MEP1A: variants seen among roughly 807,000 people sequenced by gnomAD.
MEP1A encodes N-benzoyl-L-tyrosyl-P-amino-benzoic acid hydrolase subunit alpha.
MEP1A carries 68 observed loss-of-function variants against 84.5 expected under a neutral mutation model. That is an observed-to-expected ratio of 0.80 (90% CI 0.66 to 0.98). MEP1A has a LOEUF of 0.98. MEP1A is among the 50% of genes least tolerant of loss of function. The pLI, the probability that MEP1A is intolerant of heterozygous loss-of-function variation, is 0.00. For synonymous variants in MEP1A, 337 were observed against 336.8 expected, an observed-to-expected ratio of 1.00 and a Z score of -0.01; for missense variants, 887 against 919.9, an observed-to-expected ratio of 0.96 and a Z score of 0.46.
chr6:46,810,818 T>C (rs1767479627), intron 6 of MEP1A, among the ~76,000 whole-genome samples: 1 of 152,192 alleles, frequency 6.6e-6, no homozygotes, highest in Non-Finnish European at 1.5e-5. Flanking sequence ...TCTGTTCCAT[T>C]GGTCTATGTA....
chr6:46,842,248 C>T (rs780099199), downstream of MEP1A, among the ~76,000 whole-genome samples: 7 of 152,008 alleles, frequency 4.6e-5, no homozygotes, highest in African/African-American at 7.3e-5. Flanking sequence ...AGAATAACAG[C>T]GATTTTCAGG....
rs904133068 is a variant in MEP1A at position 46,839,462 on chromosome 6, G to C, written c.*326G>C. ...GTTCTCATTGACCGTGCTGGCCCCA[G>C]TGCCTAGATGCATGGCTGGCACATT... is the stretch of plus-strand genomic sequence containing the variant. On this transcript the variant is annotated 3_prime_UTR_variant, in exon 14 of 14. Transcript: ENST00000230588. The C allele has an allele frequency of 3.3e-5, 6 of 182,470 alleles. No individual in the cohort carries two copies. The highest frequency in any genetic ancestry group is 1.2e-4 in the African/African-American group (5 of 42,834). The allele number at this position is 182,470 out of a possible 1,614,324, so 11.3% of individuals were successfully genotyped here. A position where few individuals can be genotyped will look rare whatever the true frequency, so the allele number is the denominator to read the frequency against.
intron 9 of MEP1A, 133 bp from the exon 10 acceptor site, chr6:46,829,223 T>C: frequency 2.9e-6 from 2 of 701,444 alleles, no homozygotes; most frequent in Admixed American, 2.4e-5. Flanking sequence ...TCCTTCTTTT[T>C]ATTTTCCTCC....
intron 11 of MEP1A, among the ~76,000 whole-genome samples, 170 bp from the exon 12 acceptor site, chr6:46,834,407 AT>A (rs937193566): frequency 1.3e-4 from 20 of 150,836 alleles, no homozygotes; most frequent in African/African-American, 4.9e-4. Context: ...AAATAGCCTA[AT>A]TTTTTTCCAA....
chr6:46,794,009 AATAG>A (rs765862175), intron 3 of MEP1A, among the ~76,000 whole-genome samples: 7 of 152,212 alleles, frequency 4.6e-5, no homozygotes, highest in Non-Finnish European at 5.9e-5. Context: ...AAGGAAAGCA[AATAG>A]ATAATTATTC....
rs111505175 is a variant in MEP1A, at chr6:46,810,978, A to G, written c.380+1441A>G. Among the ~76,000 whole-genome samples the G allele has an allele frequency of 2.3e-3, 356 of 152,106 alleles. 3 individuals are homozygous for G. Among genetic ancestry groups the G allele is most frequent in the Middle Eastern group, 0.014 (4 of 294 alleles). On this transcript the variant is annotated intron_variant, in intron 6 of 13. Transcript: ENST00000230588. The stretch of plus-strand genomic sequence containing the variant: ...TCTTTTTTGGTTCCATGTGAATTTT[A>G]GGATGGTTTTTCCAGGTCTGTGAAG...
In MEP1A at chr6:46,839,101, A is replaced by G. The variant is rs771765973; in HGVS notation, c.2206A>G (p.Ile736Val). The G allele has an allele frequency of 3.7e-6, 6 of 1,612,942 alleles. No homozygotes were observed. The African/African-American group carries it at 5.3e-5, about 14-fold the overall frequency. Reference protein sequence around the residue: ...TAGVIFLTFSIIAILSQRPRK With the variant: ...TAGVIFLTFSVIAILSQRPRK ...TGGCGTGATCTTCTTGACCTTCTCCATCATCGCCATCCTTTCCCAAAGGCC... is the reference window on the plus strand; with the variant it reads ...TGGCGTGATCTTCTTGACCTTCTCCGTCATCGCCATCCTTTCCCAAAGGCC... Residue 736 changes from isoleucine (I) to valine (V), a missense_variant, in exon 14 of 14, where the codon ATC (isoleucine) becomes GTC (valine). Coordinates refer to ENST00000230588, the MANE Select transcript of MEP1A (RefSeq NM_005588.3).
At chr6:46,816,298 C>T (rs1332685216) in intron 6 of MEP1A, among the ~76,000 whole-genome samples, 1 of 152,062 alleles carries the variant, frequency 6.6e-6, no homozygotes, top group African/African-American at 2.4e-5. Context: ...CTACTACATT[C>T]CAGGAAGTGT....
At chr6:46,799,258 T>A in intron 5 of MEP1A, 77 bp downstream of exon 5, 2 of 963,194 alleles carry the variant, frequency 2.1e-6, no homozygotes, top group Non-Finnish European at 3.4e-6. Flanking sequence ...GGGCTTCACA[T>A]TGGGAGTAAC....
At chr6:46,797,486 T>A (rs1238668085) in intron 3 of MEP1A, among the ~76,000 whole-genome samples, 1 of 152,218 alleles carries the variant, frequency 6.6e-6, no homozygotes, top group Non-Finnish European at 1.5e-5. Context: ...AACAGATGTT[T>A]GGAGATACGG....
chr6:46,802,537 T>C (rs1039768236), intron 5 of MEP1A, among the ~76,000 whole-genome samples: 1 of 151,958 alleles, frequency 6.6e-6, no homozygotes, highest in African/African-American at 2.4e-5. Context: ...TGTTACTGGT[T>C]CCTTTCCAAT....
At chr6:46,814,068 T>TAACACA in intron 6 of MEP1A, among the ~76,000 whole-genome samples, 1 of 152,300 alleles carries the variant, frequency 6.6e-6, no homozygotes, top group East Asian at 1.9e-4. Context: ...CAGGTGTTCT[T>TAACACA]TGAGATTCTT....
In MEP1A at chr6:46,826,371, T is replaced by A; in HGVS notation, c.796T>A (p.Leu266Met). ...ATTTGCAGCCACAACTCACACTCTT[T>A]TGGACCACTGTACTTTTGAGAAGGC... ...MYNCTTTHTL[L>M]DHCTFEKANI... The change falls in exon 9 of 14, where the codon TTG becomes ATG. Residue 266 changes from leucine (L) to methionine (M), a missense_variant. Physicochemically the swap from Leu to Met is conservative, Grantham distance 15. Coordinates refer to ENST00000230588, the MANE Select transcript of MEP1A (RefSeq NM_005588.3). The A allele has an allele frequency of 6.2e-7, 1 of 1,605,698 alleles. No homozygotes were observed. Among genetic ancestry groups the A allele is most frequent in the Non-Finnish European group, 8.5e-7 (1 of 1,176,358 alleles).
intron 13 of MEP1A, among the ~76,000 whole-genome samples, chr6:46,836,874 T>C (rs1768228344): frequency 6.6e-6 from 1 of 152,104 alleles, no homozygotes; most frequent in Admixed American, 6.5e-5. Context: ...AGTAAAGATG[T>C]GCTATGCCTT....
intron 3 of MEP1A, among the ~76,000 whole-genome samples, chr6:46,797,931 TTTCC>T (rs70996387): frequency 0.18 from 9,017 of 48,996 alleles, 1,150 homozygotes; most frequent in East Asian, 0.32. Context: ...TCCTTCCTTC[TTTCC>T]TTCCTTCCTT....
chr6:46,837,757 T>C (rs111772067), intron 13 of MEP1A, among the ~76,000 whole-genome samples: 11 of 152,332 alleles, frequency 7.2e-5, no homozygotes, highest in African/African-American at 2.4e-4. Context: ...AAGTTGTGTT[T>C]GGAGAGGACT....
At chr6:46,805,829 C>T (rs1425811699) in intron 5 of MEP1A, among the ~76,000 whole-genome samples, 2 of 151,846 alleles carry the variant, frequency 1.3e-5, no homozygotes, top group African/African-American at 2.4e-5. Flanking sequence ...ATCTGAAAAA[C>T]GTTAGGCCAT....
rs796171185 is a variant in MEP1A at position 46,798,473 on chromosome 6, G to A, written c.146-133G>A. ...TTTGCTTAACTGGAATTTTTGCATT[G>A]TTTCAAAAAGTTTTGCCACATAAAG... On this transcript the variant is annotated intron_variant, in intron 3 of 13. Coordinates refer to ENST00000230588, the MANE Select transcript of MEP1A (RefSeq NM_005588.3). 7 of 731,336 alleles carry A rather than the reference G, an allele frequency of 9.6e-6. No homozygotes were observed. The African/African-American group carries it at 1.1e-4, about 11-fold the overall frequency. 45.3% of individuals were successfully genotyped at this position (731,336 alleles called of 1,614,324 possible). A position where few individuals can be genotyped will look rare whatever the true frequency, so the allele number is the denominator to read the frequency against.
At position 46,835,397 on chromosome 6, in the gene MEP1A, C is replaced by G; in HGVS notation, c.1932C>G (p.Ser644Arg). The change falls in exon 13 of 14, where the codon AGC becomes AGG. Residue 644 changes from serine (S) to arginine (R), a missense_variant. Physicochemically the swap from Ser to Arg is moderately radical, Grantham distance 110. Transcript: ENST00000230588. Reference protein sequence around the residue: ...MLEEALPVSLSQGQPSRQKRS... With the variant: ...MLEEALPVSLRQGQPSRQKRS... ...AGGAAGCCCTACCTGTCAGCCTGAGCCAGGGGCAGCCCAGCCGACAGAAGC... is the reference window on the plus strand; with the variant it reads ...AGGAAGCCCTACCTGTCAGCCTGAGGCAGGGGCAGCCCAGCCGACAGAAGC... 6.2e-7 allele frequency: 1 copy of G among 1,612,142 alleles called. No individual in the cohort carries two copies. Among genetic ancestry groups the G allele is most frequent in the Non-Finnish European group, 8.5e-7 (1 of 1,179,144 alleles).
Sources: gnomAD v4.1 joint callset for allele counts (sites outside exome capture counted in the v4.1 genomes callset) on GRCh38, gnomAD v4.1.1 for gene constraint, MANE v1.5 for transcripts, NCBI Gene and HGNC (gene_info 2026-07-23, HGNC 2026-07-21) for gene names.